Variants in DSE observed in about 807,000 individuals in gnomAD.
DSE encodes dermatan sulfate epimerase.
A neutral mutation model predicts 84.4 loss-of-function variants in DSE; 36 were observed. The observed-to-expected ratio is 0.43, with a 90% CI of 0.33 to 0.56. The LOEUF is 0.56. Ranked by LOEUF, DSE falls within the 20% of genes least tolerant of loss-of-function variation. DSE has a pLI of 0.06. For missense variants in DSE, 862 were observed against 1,169.6 expected (o/e 0.74, Z 3.84); for synonymous variants, 410 against 430.1 (o/e 0.95, Z 0.58).
intron 2 of DSE, among the ~76,000 whole-genome samples, chr6:116,307,604 C>T (rs1407493840): frequency 1.3e-5 from 2 of 152,148 alleles, no homozygotes; most frequent in Admixed American, 6.5e-5. Context: ...AAAGGTAGTA[C>T]GAAGTTAAAC....
intron 2 of DSE, chr6:116,278,308 C>T (rs1330621707): frequency 1.3e-5 from 8 of 607,520 alleles, no homozygotes; most frequent in Non-Finnish European, 2.3e-5. Context: ...TATTCCAGAA[C>T]AGCATGAAGG....
At chr6:116,278,082 CGTCCAGTAACT>C (rs1562196913) in intron 2 of DSE, 1 of 187,498 alleles carries the variant, frequency 5.3e-6, no homozygotes, top group African/African-American at 2.4e-5. Flanking sequence ...AGTTCATTAA[CGTCCAGTAACT>C]GTCCACAGGG....
upstream of DSE, chr6:116,370,195 T>A: frequency 3.3e-6 from 1 of 298,826 alleles, no homozygotes; most frequent in Non-Finnish European, 6.8e-6. Context: ...GATCTCTCTC[T>A]CTCACACACA....
intron 2 of DSE, among the ~76,000 whole-genome samples, chr6:116,290,588 A>C (rs942067323): frequency 5.4e-4 from 82 of 152,184 alleles, no homozygotes; most frequent in African/African-American, 1.9e-3. Flanking sequence ...CTAGCAAATA[A>C]ATATTTTATT....
chr6:116,288,193 C>A (rs1376103852), intron 2 of DSE: 1 of 152,016 alleles, frequency 6.6e-6, no homozygotes, highest in Non-Finnish European at 1.5e-5. Context: ...TTCTGAGCCA[C>A]AATTTCCTCA....
chr6:116,421,716 C>T (rs1415747560), intron 2 of DSE, among the ~76,000 whole-genome samples: 1 of 151,754 alleles, frequency 6.6e-6, no homozygotes, highest in African/African-American at 2.4e-5. Flanking sequence ...CTACCTTGGC[C>T]TCCTAAAGCA....
intron 1 of DSE, among the ~76,000 whole-genome samples, chr6:116,382,683 G>A (rs1023187438): frequency 6.6e-6 from 1 of 152,138 alleles, no homozygotes; most frequent in African/African-American, 2.4e-5. Flanking sequence ...TGTGGAAAGG[G>A]GCAAAAACTC....
At chr6:116,363,999 TC>T (rs1234729906) in intron 2 of DSE, among the ~76,000 whole-genome samples, 1 of 152,212 alleles carries the variant, frequency 6.6e-6, no homozygotes, top group Admixed American at 6.5e-5. Context: ...AGGCTTGACT[TC>T]TCCTTCCACT....
intron 1 of DSE, among the ~76,000 whole-genome samples, chr6:116,374,763 CA>C (rs1190977869): frequency 6.6e-6 from 1 of 152,068 alleles, no homozygotes; most frequent in Non-Finnish European, 1.5e-5. Flanking sequence ...GTGAAACTAT[CA>C]GTCTCATTCC....
chr6:116,342,404 C>T (rs1338440103), intron 2 of DSE, among the ~76,000 whole-genome samples: 2 of 151,254 alleles, frequency 1.3e-5, no homozygotes, highest in Non-Finnish European at 2.9e-5. Flanking sequence ...GCCTCAGTCT[C>T]CTGAGTAGCT....
intron 2 of DSE, among the ~76,000 whole-genome samples, chr6:116,269,323 A>G (rs748229224): frequency 1.2e-4 from 18 of 152,202 alleles, no homozygotes; most frequent in Non-Finnish European, 2.1e-4. Flanking sequence ...TTTTCACAAT[A>G]TGCTTTCAAT....
At chr6:116,417,760 G>A (rs891448563) in intron 2 of DSE, among the ~76,000 whole-genome samples, 13 of 152,034 alleles carry the variant, frequency 8.6e-5, no homozygotes, top group African/African-American at 3.1e-4. Flanking sequence ...CATCCTTCTA[G>A]CAATTGTTTC....
chr6:116,367,300 T>G (rs573838367), upstream of DSE: 5 of 152,378 alleles, frequency 3.3e-5, no homozygotes, highest in African/African-American at 1.2e-4. Flanking sequence ...AGAGAATCTA[T>G]AGGTGCAGGG....
At chr6:116,305,871 A>T (rs760544876) in intron 2 of DSE, among the ~76,000 whole-genome samples, 17 of 152,042 alleles carry the variant, frequency 1.1e-4, no homozygotes, top group Admixed American at 2.0e-4. Context: ...TGAACTCCTG[A>T]CCTCAGGTGA....
intron 2 of DSE, among the ~76,000 whole-genome samples, chr6:116,420,851 T>A (rs1313925590): frequency 6.6e-6 from 1 of 152,188 alleles, no homozygotes; most frequent in African/African-American, 2.4e-5. Flanking sequence ...GTTTTTAGGG[T>A]TCCTTTTAAT....
chr6:116,299,730 T>G (rs1482414030), intron 2 of DSE, among the ~76,000 whole-genome samples: 1 of 151,880 alleles, frequency 6.6e-6, no homozygotes, highest in Non-Finnish European at 1.5e-5. Context: ...TATTCACAAC[T>G]TTTTATTTTG....
rs1253186314 is a variant in DSE at position 116,399,475 on chromosome 6, G to A, written c.225G>A (p.Val75=). ...EHIAARLTEA[V]HTMLSSPLEY... ...TTGCAGCCCGCCTCACGGAGGCTGT[G>A]CACACGATGCTGTCCAGCCCCTTGG... Residue 75 remains valine, a synonymous_variant, in exon 2 of 6, where the codon GTG becomes GTA. Transcript: ENST00000644252. The A allele has an allele frequency of 6.2e-7, 1 of 1,614,220 alleles. No homozygotes were observed. Among genetic ancestry groups the A allele is most frequent in the Non-Finnish European group, 8.5e-7 (1 of 1,180,050 alleles).
chr6:116,373,177 A>T (rs1424843089), intron 1 of DSE, among the ~76,000 whole-genome samples: 1 of 151,942 alleles, frequency 6.6e-6, no homozygotes, highest in African/African-American at 2.4e-5. Context: ...ATATGGTGAA[A>T]CCCGGTCTCT....
intron 2 of DSE, among the ~76,000 whole-genome samples, chr6:116,294,344 A>G (rs1774518846): frequency 2.0e-5 from 3 of 152,180 alleles, no homozygotes; most frequent in African/African-American, 7.2e-5. Context: ...TATATGGAAC[A>G]CTTAGAAGCA....
Sources: allele counts gnomAD v4.1 joint callset (sites outside exome capture counted in the v4.1 genomes callset), GRCh38; gene constraint gnomAD v4.1.1; transcripts MANE v1.5; gene names NCBI Gene and HGNC (gene_info 2026-07-23, HGNC 2026-07-21).